The following SPATA13 variants were observed in gnomAD, a reference collection of about 807,000 sequenced individuals.
SPATA13 encodes spermatogenesis-associated protein 13.
In SPATA13, 50 loss-of-function variants were observed where a neutral mutation model predicts 104.0. That is an observed-to-expected ratio of 0.48 (90% CI 0.38 to 0.61). SPATA13 has a LOEUF of 0.61. Ranked by LOEUF, SPATA13 falls within the 20% of genes least tolerant of loss-of-function variation. SPATA13 has a pLI of 0.00. For missense variants in SPATA13, 1,524 were observed against 1,690.6 expected (o/e 0.90, Z 1.73); for synonymous variants, 606 against 667.5 (o/e 0.91, Z 1.42).
Position 24,223,654 on chromosome 13 carries a change from C to T in SPATA13, c.725C>T (p.Pro242Leu). The change falls in exon 2 of 13, where the codon CCT (proline) becomes CTT (leucine). Residue 242 changes from proline (P) to leucine (L), a missense_variant. By Grantham distance (98) the Pro-to-Leu change is moderately conservative (BLOSUM62 -3). Coordinates refer to ENST00000382108, the MANE Select transcript of SPATA13 (RefSeq NM_001166271.3). ...GTGTGTGAGATTCTCGTGAGGGACC[C>T]TGAAAACAACAGCATGGGCTACAGG... is the stretch of plus-strand genomic sequence containing the variant. ...PAVCEILVRD[P>L]ENNSMGYRRS... 6.4e-7 allele frequency: 1 copy of T among 1,552,140 alleles called. No homozygotes were observed.
At chr13:24,096,290 G>A (rs947496434) in intron 3 of SPATA13, among the ~76,000 whole-genome samples, 6 of 152,128 alleles carry the variant, frequency 3.9e-5, no homozygotes, top group African/African-American at 1.4e-4. Context: ...AAAAAAGAGT[G>A]TTATAATAGA....
chr13:24,042,574 C>T (rs1163701425), intron 3 of SPATA13, among the ~76,000 whole-genome samples: 7 of 152,362 alleles, frequency 4.6e-5, no homozygotes, highest in South Asian at 2.1e-4. Flanking sequence ...CATCTATGCC[C>T]GTGCGCGAAC....
chr13:24,109,981 T>C (rs1566106526), intron 3 of SPATA13, among the ~76,000 whole-genome samples: 1 of 149,644 alleles, frequency 6.7e-6, no homozygotes, highest in South Asian at 2.2e-4. Context: ...TTCACTCCCA[T>C]TCCATGTGAG....
chr13:24,014,049 C>A (rs1321192515), intron 2 of SPATA13, among the ~76,000 whole-genome samples: 1 of 152,160 alleles, frequency 6.6e-6, no homozygotes, highest in African/African-American at 2.4e-5. Context: ...GCTGCTGTGC[C>A]ACAGTTGAGT....
rs373825933 is a variant in SPATA13, at chr13:24,273,981, C to T, written c.2165-10154C>T. On this transcript the variant is annotated intron_variant, in intron 4 of 12. Transcript: ENST00000382108. ...CTGAGATTACAGGCATGAGCCACTG[C>T]GCCCGGCCAATGGTTAAACTTTTGA... 2.1e-4 allele frequency among the ~76,000 whole-genome samples: 32 copies of T among 152,262 alleles called. No homozygotes were observed. In the South Asian group the frequency reaches 4.1e-3, roughly 20 times the overall value.
chr13:24,257,265 C>T (rs1211908762), intron 4 of SPATA13, among the ~76,000 whole-genome samples: 2 of 152,156 alleles, frequency 1.3e-5, no homozygotes, highest in African/African-American at 2.4e-5. Flanking sequence ...CAGTTTACTT[C>T]GCTGTTAGAC....
intron 3 of SPATA13, among the ~76,000 whole-genome samples, chr13:24,075,245 T>C (rs1267115729): frequency 6.6e-6 from 1 of 152,192 alleles, no homozygotes; most frequent in Admixed American, 6.5e-5. Flanking sequence ...TTCTTCATAG[T>C]TAATCTCCCA....
chr13:24,154,489 C>T (rs1882199908), intron 3 of SPATA13, among the ~76,000 whole-genome samples: 1 of 151,740 alleles, frequency 6.6e-6, no homozygotes, highest in Non-Finnish European at 1.5e-5. Context: ...TGGCAATAAA[C>T]ATTAATGTTT....
chr13:24,305,854 AC>A lies in SPATA13; in HGVS notation c.*3084del, dbSNP rs1877545811. The A allele has an allele frequency of 6.6e-6, 1 of 152,086 alleles. No individual in the cohort carries two copies. The highest frequency in any genetic ancestry group is 2.4e-5 in the African/African-American group (1 of 41,410). 9.4% of individuals were successfully genotyped at this position (152,086 alleles called of 1,614,324 possible). On this transcript the variant is annotated 3_prime_UTR_variant, in exon 13 of 13. Transcript: ENST00000382108. ...GTGATCATACCTAAAACATATAAAA[AC>A]CCTGCCGTAGATTAAAAGCAATTAT...
chr13:24,264,820 A>G (rs1004276091), intron 4 of SPATA13, among the ~76,000 whole-genome samples: 2 of 152,228 alleles, frequency 1.3e-5, no homozygotes, highest in African/African-American at 2.4e-5. Flanking sequence ...AATGGCCTTC[A>G]GCTGAAGCTG....
At chr13:24,148,062 G>A (rs762723371) in intron 3 of SPATA13, among the ~76,000 whole-genome samples, 9 of 152,144 alleles carry the variant, frequency 5.9e-5, no homozygotes, top group East Asian at 3.8e-4. Context: ...ACTATGTTGC[G>A]TACAAATATC....
intron 4 of SPATA13, among the ~76,000 whole-genome samples, chr13:24,281,356 G>C (rs575499625): frequency 8.5e-5 from 13 of 152,278 alleles, no homozygotes; most frequent in African/African-American, 2.9e-4. Flanking sequence ...CAGGGGAGTG[G>C]AGGTGGGTAG....
In SPATA13 at chr13:24,290,664, G is replaced by A; in HGVS notation, c.2860G>A (p.Ala954Thr). ...SCFLQNQEGF[A>T]IYSEYCNNHP... ...TTTTCCTTCCCAGCAAGAGGGCTTT[G>A]CCATCTATTCCGAGTACTGCAACAA... Residue 954 changes from alanine to threonine, a missense_variant, in exon 9 of 13, where the codon GCC becomes ACC. By Grantham distance (58) the Ala-to-Thr change is moderately conservative (BLOSUM62 0). This residue lies in a region of SPATA13 where 435 missense variants were observed against 554.8 expected (regional missense o/e 0.78). Transcript: ENST00000382108. The A allele has an allele frequency of 6.2e-7, 1 of 1,614,170 alleles. No individual in the cohort carries two copies. Among genetic ancestry groups the A allele is most frequent in the African/African-American group, 1.3e-5 (1 of 75,046 alleles).
At chr13:23,982,806 C>T (rs1003141803) in intron 1 of SPATA13, among the ~76,000 whole-genome samples, 1 of 152,182 alleles carries the variant, frequency 6.6e-6, no homozygotes, top group Non-Finnish European at 1.5e-5. Context: ...CATCTTCTGA[C>T]CGTGTCACAT....
intron 1 of SPATA13, among the ~76,000 whole-genome samples, chr13:24,210,777 T>TC (rs2138587976): frequency 6.6e-6 from 1 of 151,848 alleles, no homozygotes; most frequent in African/African-American, 2.4e-5. Context: ...TTTTTTTTTT[T>TC]TTTGTATTTC....
At chr13:24,224,774 T>C in intron 2 of SPATA13, 192 bp downstream of exon 2, 1 of 671,226 alleles carries the variant, frequency 1.5e-6, no homozygotes, top group Admixed American at 2.1e-5. Flanking sequence ...TCTATCTCCT[T>C]TGAAATAAAT....
intron 1 of SPATA13, among the ~76,000 whole-genome samples, chr13:24,183,842 C>G (rs534373141): frequency 4.1e-4 from 62 of 152,206 alleles, no homozygotes; most frequent in African/African-American, 1.4e-3. Context: ...TAGAGGCACT[C>G]ACTCTCATCC....
chr13:24,296,200 C>T (rs1037170912), intron 10 of SPATA13, among the ~76,000 whole-genome samples: 7 of 152,170 alleles, frequency 4.6e-5, no homozygotes, highest in Admixed American at 1.3e-4. Flanking sequence ...GGAGTTTGGG[C>T]AGGATCTCTG....
chr13:24,135,259 T>C (rs1186086736), intron 3 of SPATA13, among the ~76,000 whole-genome samples: 1 of 152,202 alleles, frequency 6.6e-6, no homozygotes, highest in Non-Finnish European at 1.5e-5. Context: ...TTTCCTCTGA[T>C]GTGCAATAAT....
Sources: gnomAD v4.1 joint callset for allele counts (sites outside exome capture counted in the v4.1 genomes callset) on GRCh38, gnomAD v4.1.1 for gene constraint, gnomAD v4.1.1 regional missense constraint, MANE v1.5 for transcripts, NCBI Gene and HGNC (gene_info 2026-07-23, HGNC 2026-07-21) for gene names.